Variants in PARVB observed in about 807,000 individuals in gnomAD.
PARVB encodes the protein beta-parvin.
In PARVB, 46 loss-of-function variants were observed where a neutral mutation model predicts 47.0. The ratio of observed to expected loss-of-function variants is 0.98; its 90% CI spans 0.77 to 1.25. PARVB has a LOEUF of 1.25. Among genes scored for constraint, PARVB ranks in the 50% most tolerant of loss-of-function variants. The pLI, the probability that PARVB is intolerant of heterozygous loss-of-function variation, is 0.00. For synonymous variants in PARVB, 196 were observed against 196.3 expected, an observed-to-expected ratio of 1.00 and a Z score of 0.01; for missense variants, 473 against 471.6, an observed-to-expected ratio of 1.00 and a Z score of -0.03.
At chr22:44,138,620 A>G (rs528024705) in intron 7 of PARVB, among the ~76,000 whole-genome samples, 1 of 152,282 alleles carries the variant, frequency 6.6e-6, no homozygotes, top group Admixed American at 6.5e-5. Context: ...CAGTTTCCTA[A>G]GGCAGCATTG....
intron 2 of PARVB, among the ~76,000 whole-genome samples, chr22:44,000,293 C>G (rs1454960805): frequency 6.6e-6 from 1 of 152,224 alleles, no homozygotes; most frequent in Non-Finnish European, 1.5e-5. Flanking sequence ...TGAACAGTGG[C>G]TCTTTGATTG....
chr22:44,023,304 G>A (rs1394282325), upstream of PARVB, among the ~76,000 whole-genome samples: 1 of 151,498 alleles, frequency 6.6e-6, no homozygotes, highest in Non-Finnish European at 1.5e-5. Context: ...TGAGGTCAGG[G>A]GTTCGAGACC....
chr22:44,069,104 C>T (rs2051596267), intron 1 of PARVB: 3 of 1,611,582 alleles, frequency 1.9e-6, no homozygotes, highest in Middle Eastern at 1.8e-4. Context: ...CGCCTGCCCT[C>T]CGACGTCCGC....
At chr22:44,022,521 C>T (rs543685996), upstream of PARVB, among the ~76,000 whole-genome samples, 2 of 152,058 alleles carry the variant, frequency 1.3e-5, no homozygotes, top group African/African-American at 4.8e-5. Flanking sequence ...GTCTTCACGC[C>T]CCTGGCTGAG....
rs189857588 is a variant in PARVB, at chr22:44,030,290, C to T, written c.112+5839C>T. Among the ~76,000 whole-genome samples, 549 of 152,350 alleles carry T rather than the reference C, an allele frequency of 3.6e-3. 4 individuals carry two copies. Among genetic ancestry groups the T allele is most frequent in the African/African-American group, 0.013 (524 of 41,586 alleles). On this transcript the variant is annotated intron_variant, in intron 1 of 12. Transcript: ENST00000338758. ...GGGGGACTGAGCCATGGGGGTCTCA[C>T]CACCCAGACTTGGGGTTTTGGGCCT...
chr22:44,161,373 G>T (rs1424205103), intron 11 of PARVB, among the ~76,000 whole-genome samples: 1 of 150,788 alleles, frequency 6.6e-6, no homozygotes, highest in Non-Finnish European at 1.5e-5. Context: ...GAGTGCAGTG[G>T]CACGATCTCG....
At chr22:44,099,528 C>T (rs942459469) in intron 2 of PARVB, among the ~76,000 whole-genome samples, 1 of 151,748 alleles carries the variant, frequency 6.6e-6, no homozygotes, top group African/African-American at 2.4e-5. Flanking sequence ...TCCCCCCCCA[C>T]CTTTTTTTTT....
In PARVB at chr22:44,132,942, T is replaced by TG; in HGVS notation, c.568dup (p.Ala190GlyfsTer12). On this transcript the variant is annotated frameshift_variant, in exon 6 of 13. Transcript: ENST00000338758. LOFTEE classifies it high-confidence loss of function. ...GCCATCCTCCACCTGCTGGTCTCTCTGGCCATGCACTTCAGGGCCCCCATC... is the reference window on the plus strand; with the variant it reads ...GCCATCCTCCACCTGCTGGTCTCTCTGGGCCATGCACTTCAGGGCCCCCATC... 6.2e-7 allele frequency: 1 copy of TG among 1,614,152 alleles called. No individual in the cohort carries two copies. Among genetic ancestry groups the TG allele is most frequent in the Non-Finnish European group, 8.5e-7 (1 of 1,180,008 alleles).
rs1272753176 is a variant in PARVB, at chr22:44,151,466, T to A, written c.775-17T>A. 1 of 1,609,818 alleles carries A rather than the reference T, an allele frequency of 6.2e-7. No individual in the cohort carries two copies. Among genetic ancestry groups the A allele is most frequent in the Non-Finnish European group, 8.5e-7 (1 of 1,175,998 alleles). ...GCGGGCCATTCATGGCTCCTGTGTC[T>A]CTTTTATTCTTGGCAGTCTCTCATC... On this transcript the variant is annotated splice_polypyrimidine_tract_variant and intron_variant, in intron 9 of 12. Transcript: ENST00000338758.
At chr22:44,080,053 G>A (rs182471833) in intron 1 of PARVB, among the ~76,000 whole-genome samples, 1 of 152,200 alleles carries the variant, frequency 6.6e-6, no homozygotes, top group African/African-American at 2.4e-5. Context: ...GGTCAGATGC[G>A]TCCTCTGTGC....
chr22:44,047,097 G>C (rs542036655), intron 1 of PARVB, among the ~76,000 whole-genome samples: 3 of 152,316 alleles, frequency 2.0e-5, no homozygotes, highest in Non-Finnish European at 2.9e-5. Flanking sequence ...CATGGAGCCT[G>C]TGCCCCGTCT....
chr22:44,084,219 C>A (rs1364262218), intron 1 of PARVB, among the ~76,000 whole-genome samples: 1 of 152,220 alleles, frequency 6.6e-6, no homozygotes, highest in Non-Finnish European at 1.5e-5. Flanking sequence ...CTGGGCCATG[C>A]CCATCCCTGA....
intron 3 of PARVB, chr22:44,107,667 C>T (rs2052597720): frequency 6.6e-6 from 1 of 152,132 alleles, no homozygotes. Context: ...TGAATCAAAT[C>T]ACCAATAGCC....
At chr22:44,039,729 G>A (rs535992101) in intron 1 of PARVB, 33 of 388,344 alleles carry the variant, frequency 8.5e-5, no homozygotes, top group South Asian at 1.1e-4. Context: ...ACAAGGTGCC[G>A]GTACAGGAAA....
At chr22:44,114,383 AAC>A (rs1291913494) in intron 3 of PARVB, 2 of 141,210 alleles carry the variant, frequency 1.4e-5, no homozygotes, top group Non-Finnish European at 3.0e-5. Flanking sequence ...GCCCTGCACC[AAC>A]ACAGATACAT....
intron 1 of PARVB, among the ~76,000 whole-genome samples, chr22:44,026,828 G>C (rs1260291440): frequency 6.6e-6 from 1 of 151,650 alleles, no homozygotes; most frequent in Non-Finnish European, 1.5e-5. Flanking sequence ...GACTCTAAGG[G>C]AGGAGGGGGA....
At chr22:44,097,950 TG>T (rs1244879271) in intron 2 of PARVB, among the ~76,000 whole-genome samples, 1 of 152,162 alleles carries the variant, frequency 6.6e-6, no homozygotes, top group Non-Finnish European at 1.5e-5. Flanking sequence ...CACACAGTCC[TG>T]GGACATCCGA....
At chr22:44,035,667 G>C (rs1049273815) in intron 1 of PARVB, among the ~76,000 whole-genome samples, 1 of 152,000 alleles carries the variant, frequency 6.6e-6, no homozygotes, top group African/African-American at 2.4e-5. Context: ...CACCGCGCCC[G>C]TCCGTCAAGG....
intron 2 of PARVB, among the ~76,000 whole-genome samples, chr22:44,011,509 GC>G (rs1173097419): frequency 7.9e-5 from 12 of 152,092 alleles, no homozygotes; most frequent in African/African-American, 2.9e-4. Context: ...TGCTCGGGAG[GC>G]TGAGGCAAGA....
Sources: allele counts gnomAD v4.1 joint callset (sites outside exome capture counted in the v4.1 genomes callset), GRCh38; gene constraint gnomAD v4.1.1; transcripts MANE v1.5; gene names NCBI Gene and HGNC (gene_info 2026-07-23, HGNC 2026-07-21).